The following AUTS2 variants were observed in gnomAD, a reference collection of about 807,000 sequenced individuals.
AUTS2 encodes the protein autism susceptibility gene 2 protein.
Under a neutral mutation model 112.4 loss-of-function variants are expected in AUTS2, and 17 were observed. That is an observed-to-expected ratio of 0.15 (90% CI 0.10 to 0.23). The LOEUF (loss-of-function observed/expected upper bound fraction) is 0.23, where lower values mean the gene tolerates loss of function less well. Ranked by LOEUF, AUTS2 falls within the 10% of genes least tolerant of loss-of-function variation. AUTS2 has a pLI of 1.00. For synonymous variants in AUTS2, 751 were observed against 702.7 expected, an observed-to-expected ratio of 1.07 and a Z score of -1.09; for missense variants, 1,510 against 1,701.6, an observed-to-expected ratio of 0.89 and a Z score of 1.98.
At chr7:70,528,302 A>C (rs3113263) in intron 5 of AUTS2, among the ~76,000 whole-genome samples, 41,136 of 151,358 alleles carry the variant, frequency 0.27, 6,011 homozygotes, top group African/African-American at 0.34. Flanking sequence ...TAAAAAAAAA[A>C]CCCAGGTAAT....
At chr7:70,306,777 A>C (rs1789513058) in intron 4 of AUTS2, among the ~76,000 whole-genome samples, 1 of 152,218 alleles carries the variant, frequency 6.6e-6, no homozygotes, top group African/African-American at 2.4e-5. Flanking sequence ...CCTGGCCACC[A>C]GGTCCGTAAT....
At chr7:70,167,756 G>A (rs911741146) in intron 4 of AUTS2, among the ~76,000 whole-genome samples, 5 of 152,176 alleles carry the variant, frequency 3.3e-5, no homozygotes, top group Admixed American at 6.5e-5. Flanking sequence ...GTAACAGAAG[G>A]ATACCCGGAA....
intron 1 of AUTS2, among the ~76,000 whole-genome samples, chr7:69,627,725 G>T (rs10238307): frequency 0.076 from 11,504 of 152,068 alleles, 589 homozygotes; most frequent in African/African-American, 0.14. Flanking sequence ...GTGTCCTGTG[G>T]ATTGAGTAGA....
rs142843880 is a variant in AUTS2, at chr7:69,974,852, G to C, written c.522+75354G>C. On this transcript the variant is annotated intron_variant, in intron 2 of 18. Coordinates refer to ENST00000342771, the MANE Select transcript of AUTS2 (RefSeq NM_015570.4). ...CATGTATCTTTTTTTAATTTTTGCTGCCTATATTGTTTTATTTAAAGAGAG... is the reference window on the plus strand; with the variant it reads ...CATGTATCTTTTTTTAATTTTTGCTCCCTATATTGTTTTATTTAAAGAGAG... 4.3e-3 allele frequency among the ~76,000 whole-genome samples: 652 copies of C among 152,032 alleles called. 8 individuals are homozygous for C. The highest frequency in any genetic ancestry group is 0.015 in the African/African-American group (612 of 41,454).
intron 4 of AUTS2, among the ~76,000 whole-genome samples, chr7:70,400,635 G>C (rs899555403): frequency 2.0e-5 from 3 of 152,150 alleles, no homozygotes; most frequent in Admixed American, 2.0e-4. Context: ...AGATTGGCTG[G>C]ATTCTCTCAC....
chr7:70,153,672 T>C (rs1807579982), intron 4 of AUTS2, among the ~76,000 whole-genome samples: 2 of 152,218 alleles, frequency 1.3e-5, no homozygotes, highest in Non-Finnish European at 2.9e-5. Flanking sequence ...TCTTTTCCTA[T>C]CTTTCTGTGT....
At chr7:70,340,732 C>G (rs558904400) in intron 4 of AUTS2, among the ~76,000 whole-genome samples, 58 of 152,214 alleles carry the variant, frequency 3.8e-4, no homozygotes, top group Non-Finnish European at 8.2e-4. Context: ...GAACCTGATA[C>G]AAAGAGAATC....
intron 1 of AUTS2, among the ~76,000 whole-genome samples, chr7:69,773,440 A>G (rs1788753424): frequency 6.6e-6 from 1 of 150,628 alleles, no homozygotes; most frequent in Admixed American, 6.6e-5. Flanking sequence ...TAAACTGGAA[A>G]TGCCAAGAGG....
chr7:69,678,027 T>C (rs1421892529), intron 1 of AUTS2, among the ~76,000 whole-genome samples: 2 of 152,146 alleles, frequency 1.3e-5, no homozygotes, highest in African/African-American at 2.4e-5. Flanking sequence ...TGGGGTAAGG[T>C]TGGCAGTGAT....
At chr7:70,632,195 T>A (rs934337373) in intron 5 of AUTS2, among the ~76,000 whole-genome samples, 1 of 151,990 alleles carries the variant, frequency 6.6e-6, no homozygotes, top group Non-Finnish European at 1.5e-5. Flanking sequence ...TGTAGACTCA[T>A]ACTTGAAAGG....
At chr7:70,353,494 C>A (rs1441666579) in intron 4 of AUTS2, among the ~76,000 whole-genome samples, 1 of 152,082 alleles carries the variant, frequency 6.6e-6, no homozygotes, top group Non-Finnish European at 1.5e-5. Flanking sequence ...GTGGCTGACC[C>A]AGGGAACCTC....
intron 5 of AUTS2, among the ~76,000 whole-genome samples, chr7:70,646,271 C>G (rs1806153797): frequency 6.6e-6 from 1 of 152,200 alleles, no homozygotes; most frequent in South Asian, 2.1e-4. Context: ...AGGCAAATAT[C>G]AGCCTTTGCA....
intron 6 of AUTS2, among the ~76,000 whole-genome samples, chr7:70,726,786 C>T (rs1418004643): frequency 6.6e-6 from 1 of 152,202 alleles, no homozygotes; most frequent in Non-Finnish European, 1.5e-5. Context: ...TTCTGGAACC[C>T]TAGTGACCTG....
intron 1 of AUTS2, among the ~76,000 whole-genome samples, chr7:69,678,056 T>C (rs1203986056): frequency 6.6e-6 from 1 of 152,178 alleles, no homozygotes; most frequent in East Asian, 1.9e-4. Context: ...TAAATTACTT[T>C]TAAGATGCTT....
intron 2 of AUTS2, among the ~76,000 whole-genome samples, chr7:70,066,145 A>C (rs993344906): frequency 3.3e-5 from 5 of 152,250 alleles, no homozygotes; most frequent in Admixed American, 3.3e-4. Context: ...TTTTTAAAAA[A>C]TTTTGTAAAA....
rs573800589 is a variant in AUTS2, at chr7:70,272,820, C to A, written c.660+138249C>A. Among the ~76,000 whole-genome samples the A allele has an allele frequency of 1.6e-3, 245 of 152,168 alleles. 1 individual carries two copies. Among genetic ancestry groups the A allele is most frequent in the African/African-American group, 5.7e-3 (236 of 41,518 alleles). ...CCCTTTTCCTAGGTAAAGAAAACGT[C>A]TCTAGAAAGACACTAAGTTAAGAGC... On this transcript the variant is annotated intron_variant, in intron 4 of 18. Transcript: ENST00000342771.
intron 5 of AUTS2, among the ~76,000 whole-genome samples, chr7:70,690,479 C>T (rs927617630): frequency 5.3e-5 from 8 of 152,140 alleles, no homozygotes; most frequent in Admixed American, 3.3e-4. Flanking sequence ...ACAGCACATG[C>T]GCTGTTAGAG....
intron 6 of AUTS2, among the ~76,000 whole-genome samples, chr7:70,708,805 G>A (rs1291862827): frequency 6.6e-6 from 1 of 151,762 alleles, no homozygotes; most frequent in Non-Finnish European, 1.5e-5. Context: ...TGTTATATGA[G>A]TTAATTAAGC....
In AUTS2 at chr7:70,081,965, T is replaced by TGCGC. The variant is rs1554304899; in HGVS notation, c.523-36162_523-36159dup. 5.6e-3 allele frequency among the ~76,000 whole-genome samples: 716 copies of TGCGC among 128,092 alleles called. 5 individuals carry two copies. The highest frequency in any genetic ancestry group is 0.018 in the East Asian group (72 of 4,058). 84.0% of individuals were successfully genotyped at this position (128,092 alleles called of 152,430 possible). On this transcript the variant is annotated intron_variant, in intron 2 of 18. Coordinates refer to ENST00000342771, the MANE Select transcript of AUTS2 (RefSeq NM_015570.4). ...GTGTGTGTGTGTGTGTGTGTGTGTG[T>TGCGC]GCGCGCGCCTGTGTGTGTGTTTAAA...
Sources: allele counts gnomAD v4.1 joint callset (sites outside exome capture counted in the v4.1 genomes callset), GRCh38; gene constraint gnomAD v4.1.1; transcripts MANE v1.5; gene names NCBI Gene and HGNC (gene_info 2026-07-23, HGNC 2026-07-21).